Variants in ADCK1 observed in about 807,000 individuals in gnomAD.
ADCK1 encodes aarF domain containing kinase 1.
In ADCK1, 41 loss-of-function variants were observed where a neutral mutation model predicts 52.3. The ratio of observed to expected loss-of-function variants is 0.78; its 90% CI spans 0.61 to 1.02. The LOEUF (loss-of-function observed/expected upper bound fraction) is 1.02, where lower values mean the gene tolerates loss of function less well. Among genes scored for constraint, ADCK1 ranks in the 50% least tolerant of loss-of-function variants. ADCK1 has a pLI of 0.00. For missense variants in ADCK1, 658 were observed against 679.5 expected, an observed-to-expected ratio of 0.97 and a Z score of 0.35; for synonymous variants, 250 against 274.6, an observed-to-expected ratio of 0.91 and a Z score of 0.89.
chr14:77,887,293 T>C (rs2083180209), intron 5 of ADCK1, 44 bp downstream of exon 5: 1 of 1,496,240 alleles, frequency 6.7e-7, no homozygotes, highest in South Asian at 1.4e-5. Context: ...CAGTCTACAT[T>C]TCCCTGGGAT....
intron 4 of ADCK1, 125 bp downstream of exon 4, chr14:77,859,404 C>A: frequency 1.1e-6 from 1 of 922,280 alleles, no homozygotes; most frequent in Non-Finnish European, 1.6e-6. Context: ...AATGTCACAG[C>A]CACTCTCAGT....
intron 3 of ADCK1, among the ~76,000 whole-genome samples, chr14:77,845,509 A>G (rs1012725844): frequency 6.6e-6 from 1 of 151,850 alleles, no homozygotes; most frequent in Non-Finnish European, 1.5e-5. Context: ...TGCAACCTCC[A>G]TCTCCCGGGT....
At chr14:77,887,503 C>T (rs556754613) in intron 5 of ADCK1, among the ~76,000 whole-genome samples, 18 of 152,302 alleles carry the variant, frequency 1.2e-4, no homozygotes, top group Middle Eastern at 3.4e-3. Flanking sequence ...TCAAAACACA[C>T]TAAGTGGCTG....
At chr14:77,880,544 A>T (rs1398553875) in intron 4 of ADCK1, among the ~76,000 whole-genome samples, 1 of 152,222 alleles carries the variant, frequency 6.6e-6, no homozygotes, top group Non-Finnish European at 1.5e-5. Context: ...CTGAGCGGGA[A>T]GCTGGTGGTG....
chr14:77,832,322 C>G (rs1006502345), intron 3 of ADCK1, among the ~76,000 whole-genome samples: 1 of 152,210 alleles, frequency 6.6e-6, no homozygotes, highest in African/African-American at 2.4e-5. Context: ...GTGTGTAGCA[C>G]ATCATGAACT....
intron 9 of ADCK1, among the ~76,000 whole-genome samples, chr14:77,928,074 G>GGA (rs1380371153): frequency 6.6e-6 from 1 of 152,166 alleles, no homozygotes; most frequent in Non-Finnish European, 1.5e-5. Flanking sequence ...CAACAGAGAT[G>GGA]GAGAGAGGCA....
chr14:77,801,714 C>T (rs1436550068), intron 1 of ADCK1, among the ~76,000 whole-genome samples: 1 of 151,974 alleles, frequency 6.6e-6, no homozygotes, highest in African/African-American at 2.4e-5. Flanking sequence ...CTGAGGTGGG[C>T]GAATCACTTG....
intron 3 of ADCK1, among the ~76,000 whole-genome samples, chr14:77,846,354 C>G (rs1454231615): frequency 6.6e-6 from 1 of 152,184 alleles, no homozygotes; most frequent in Non-Finnish European, 1.5e-5. Context: ...CTTAATCCAG[C>G]CATGCAGGAC....
chr14:77,933,145 T>A, intron 10 of ADCK1, 75 bp from the exon 11 acceptor site: 1 of 1,503,800 alleles, frequency 6.6e-7, no homozygotes, highest in Admixed American at 2.0e-5. Context: ...CCATCTTTAG[T>A]TTTTCTAAAT....
intron 3 of ADCK1, among the ~76,000 whole-genome samples, chr14:77,856,524 T>C (rs1270616368): frequency 6.6e-6 from 1 of 152,158 alleles, no homozygotes; most frequent in Non-Finnish European, 1.5e-5. Flanking sequence ...AGTGTGACAT[T>C]GATACCTTTC....
intron 8 of ADCK1, among the ~76,000 whole-genome samples, 166 bp downstream of exon 8, chr14:77,924,772 C>T (rs2084149395): frequency 6.6e-6 from 1 of 152,224 alleles, no homozygotes; most frequent in African/African-American, 2.4e-5. Flanking sequence ...ACAGAGCTCT[C>T]AGAGCTTCAG....
At chr14:77,861,266 C>A (rs370636083) in intron 4 of ADCK1, among the ~76,000 whole-genome samples, 1 of 152,268 alleles carries the variant, frequency 6.6e-6, no homozygotes, top group African/African-American at 2.4e-5. Context: ...TACCAGGGCC[C>A]CACAGGCACA....
intron 4 of ADCK1, among the ~76,000 whole-genome samples, chr14:77,862,551 G>T (rs1433527057): frequency 1.3e-5 from 2 of 152,218 alleles, no homozygotes; most frequent in Non-Finnish European, 2.9e-5. Context: ...GAATGGGCAT[G>T]CATAGCCTCA....
At chr14:77,887,305 C>T (rs1003917375) in intron 5 of ADCK1, 56 bp downstream of exon 5, 1 of 1,482,712 alleles carries the variant, frequency 6.7e-7, no homozygotes, top group East Asian at 2.5e-5. Flanking sequence ...CCCTGGGATC[C>T]AGGCCACCTA....
chr14:77,930,256 A>G (rs2084296878), intron 9 of ADCK1, among the ~76,000 whole-genome samples: 2 of 152,134 alleles, frequency 1.3e-5, no homozygotes, highest in South Asian at 4.1e-4. Flanking sequence ...GCAGTTCAAG[A>G]CATTTCAAGT....
At chr14:77,904,326 G>A (rs2140249394) in intron 6 of ADCK1, among the ~76,000 whole-genome samples, 2 of 152,328 alleles carry the variant, frequency 1.3e-5, no homozygotes, top group South Asian at 4.1e-4. Flanking sequence ...TATTTTTGGT[G>A]GAGAAACTGG....
In ADCK1 at chr14:77,933,363, T is replaced by C. The variant is rs1420160122; in HGVS notation, c.1544T>C (p.Ile515Thr). 1 of 1,614,106 alleles carries C rather than the reference T, an allele frequency of 6.2e-7. No individual in the cohort carries two copies. Among genetic ancestry groups the C allele is most frequent in the Non-Finnish European group, 8.5e-7 (1 of 1,180,008 alleles). ...CTGGCTGACCGGGTCTTGGCCCTAA[T>C]ATGCTGGCTGTTCCCTGCTCCACTC... is the stretch of plus-strand genomic sequence containing the variant. Reference protein sequence around the residue: ...LKLADRVLALICWLFPAPL With the variant: ...LKLADRVLALTCWLFPAPL Residue 515 changes from isoleucine to threonine, a missense_variant, in exon 11 of 11, where the codon ATA becomes ACA. Transcript: ENST00000238561.
intron 4 of ADCK1, among the ~76,000 whole-genome samples, chr14:77,864,435 G>C (rs1392850434): frequency 6.6e-6 from 1 of 152,224 alleles, no homozygotes; most frequent in African/African-American, 2.4e-5. Flanking sequence ...GAAGTGGAGA[G>C]ATGAGGCAGG....
chr14:77,885,313 G>C (rs954328336), intron 4 of ADCK1, among the ~76,000 whole-genome samples: 1 of 152,170 alleles, frequency 6.6e-6, no homozygotes, highest in Non-Finnish European at 1.5e-5. Flanking sequence ...GTGTGTTTTT[G>C]GGGGAGCAGG....
Sources: gnomAD v4.1 joint callset for allele counts (sites outside exome capture counted in the v4.1 genomes callset) on GRCh38, gnomAD v4.1.1 for gene constraint, MANE v1.5 for transcripts, NCBI Gene and HGNC (gene_info 2026-07-23, HGNC 2026-07-21) for gene names.